SHOC1: variants seen among roughly 807,000 people sequenced by gnomAD.
The protein encoded by SHOC1 is protein shortage in chiasmata 1 ortholog.
Under a neutral mutation model 179.2 loss-of-function variants are expected in SHOC1, and 136 were observed. That is an observed-to-expected ratio of 0.76 (90% confidence interval 0.66 to 0.87). The LOEUF is 0.87. SHOC1 is among the 40% of genes least tolerant of loss of function. SHOC1 has a pLI of 0.00. For missense variants in SHOC1, 1,538 were observed against 1,700.8 expected, an observed-to-expected ratio of 0.90 and a Z score of 1.68; for synonymous variants, 489 against 586.6, an observed-to-expected ratio of 0.83 and a Z score of 2.41.
intron 2 of SHOC1, 61 bp downstream of exon 2, chr9:111,791,313 T>C: frequency 2.2e-6 from 2 of 898,528 alleles, no homozygotes; most frequent in Non-Finnish European, 3.2e-6. Flanking sequence ...ATATTGAATG[T>C]AGTTAACACT....
chr9:111,702,968 G>C (rs1043041052), intron 22 of SHOC1, among the ~76,000 whole-genome samples: 1 of 152,044 alleles, frequency 6.6e-6, no homozygotes, highest in South Asian at 2.1e-4. Context: ...AAGTTAGCTG[G>C]GTGCAGTGGA....
chr9:111,757,983 C>A, intron 7 of SHOC1, 101 bp downstream of exon 7: 1 of 595,448 alleles, frequency 1.7e-6, no homozygotes, highest in East Asian at 3.3e-5. Context: ...ATTATAAAAT[C>A]TTTTTAATTT....
In SHOC1 at chr9:111,748,120, C is replaced by G. The variant is rs757123566; in HGVS notation, c.942G>C (p.Gln314His). The change falls in exon 9 of 28, where the codon CAG (glutamine) becomes CAC (histidine). Residue 314 changes from glutamine to histidine, a missense_variant. Coordinates refer to ENST00000682961, the MANE Select transcript of SHOC1 (RefSeq NM_001378211.1). ...GTTTACTGCACTCTTCTGGTTCACTCTGGCTTTGAATGGTCAAAATCTCTG... is the reference window on the plus strand; with the variant it reads ...GTTTACTGCACTCTTCTGGTTCACTGTGGCTTTGAATGGTCAAAATCTCTG... Reference protein sequence around the residue: ...SSTEILTIQSQSEPEECSKPG... With the variant: ...SSTEILTIQSHSEPEECSKPG... 5 of 1,613,754 alleles carry G rather than the reference C, an allele frequency of 3.1e-6. No homozygotes were observed. In the Admixed American group the frequency reaches 5.0e-5, roughly 16 times the overall value.
At chr9:111,715,152 A>G (rs909748018) in intron 16 of SHOC1, among the ~76,000 whole-genome samples, 1 of 152,202 alleles carries the variant, frequency 6.6e-6, no homozygotes, top group Non-Finnish European at 1.5e-5. Context: ...ACATAGATTC[A>G]TCCTTGAAGG....
At chr9:111,776,560 C>A (rs1459375138) in intron 4 of SHOC1, among the ~76,000 whole-genome samples, 1 of 152,180 alleles carries the variant, frequency 6.6e-6, no homozygotes, top group East Asian at 1.9e-4. Flanking sequence ...ACCTGGGAAG[C>A]TAACCTCTAT....
intron 18 of SHOC1, among the ~76,000 whole-genome samples, chr9:111,708,634 CTG>C (rs1465260691): frequency 1.4e-4 from 22 of 152,280 alleles, no homozygotes; most frequent in African/African-American, 5.3e-4. Context: ...AAATAAGAGA[CTG>C]TATTTCAATG....
chr9:111,758,042 CACT>C (rs769952787), intron 7 of SHOC1, 39 bp downstream of exon 7: 5 of 1,035,426 alleles, frequency 4.8e-6, no homozygotes, highest in South Asian at 3.2e-5. Context: ...AAATGTGCCT[CACT>C]ACTTTTACTA....
At chr9:111,765,406 TG>T (rs1835311111) in intron 5 of SHOC1, among the ~76,000 whole-genome samples, 1 of 152,042 alleles carries the variant, frequency 6.6e-6, no homozygotes, top group South Asian at 2.1e-4. Context: ...GTGACCAGCC[TG>T]GCCAACATGG....
chr9:111,742,692 T>C (rs893328909), intron 10 of SHOC1, among the ~76,000 whole-genome samples: 10 of 152,210 alleles, frequency 6.6e-5, no homozygotes, highest in African/African-American at 2.2e-4. Context: ...ATGCTAATTA[T>C]AAGTATTGCC....
intron 9 of SHOC1, among the ~76,000 whole-genome samples, chr9:111,747,447 T>C (rs1834340680): frequency 6.6e-6 from 1 of 152,194 alleles, no homozygotes; most frequent in Non-Finnish European, 1.5e-5. Context: ...GTCAGCAAGA[T>C]TGCTAATATT....
At chr9:111,747,901 T>G (rs1001341599) in intron 9 of SHOC1, among the ~76,000 whole-genome samples, 191 bp downstream of exon 9, 1 of 152,072 alleles carries the variant, frequency 6.6e-6, no homozygotes, top group African/African-American at 2.4e-5. Flanking sequence ...TCAGTTTTGA[T>G]GCCAGTAGAA....
chr9:111,746,659 C>T (rs774673121), intron 9 of SHOC1, among the ~76,000 whole-genome samples: 1 of 151,718 alleles, frequency 6.6e-6, no homozygotes, highest in Non-Finnish European at 1.5e-5. Context: ...ACAGAGCAAG[C>T]CTTTGTCTCT....
intron 11 of SHOC1, among the ~76,000 whole-genome samples, chr9:111,740,335 G>C (rs1833977556): frequency 6.6e-6 from 1 of 152,136 alleles, no homozygotes; most frequent in African/African-American, 2.4e-5. Flanking sequence ...GTGAAAGCCA[G>C]CTTTGGTGCT....
intron 18 of SHOC1, among the ~76,000 whole-genome samples, chr9:111,710,920 C>T (rs1258953146): frequency 6.6e-6 from 1 of 151,964 alleles, no homozygotes; most frequent in Non-Finnish European, 1.5e-5. Flanking sequence ...GCAAAAGATG[C>T]AGCTTATAGA....
intron 2 of SHOC1, among the ~76,000 whole-genome samples, chr9:111,789,872 C>T (rs1200032413): frequency 6.6e-6 from 1 of 152,180 alleles, no homozygotes; most frequent in Non-Finnish European, 1.5e-5. Flanking sequence ...ATTTGCTTCT[C>T]TCAGTTATGA....
At chr9:111,686,893 A>C (rs970946914) in intron 27 of SHOC1, 23 bp from the exon 28 acceptor site, 2 of 1,473,912 alleles carry the variant, frequency 1.4e-6, no homozygotes, top group African/African-American at 2.8e-5. Context: ...GAAAAAGGAA[A>C]ACCATTTTAT....
intron 6 of SHOC1, 72 bp downstream of exon 6, chr9:111,758,623 T>C (rs1416169681): frequency 7.5e-7 from 1 of 1,338,926 alleles, no homozygotes; most frequent in African/African-American, 1.5e-5. Flanking sequence ...TGATAACATC[T>C]AAGCTTGTGA....
At position 111,691,789 on chromosome 9, in the gene SHOC1, A is replaced by G; in HGVS notation, c.4188T>C (p.Asp1396=). 1 of 1,613,918 alleles carries G rather than the reference A, an allele frequency of 6.2e-7. No individual in the cohort carries two copies. ...LYSQKGNLFT[D]QQKCLSDESE... ...ACTCATCTGATAGACATTTTTGCTGATCAGTGAATAAATTACCTTTCTGAG... is the reference window on the plus strand; with the variant it reads ...ACTCATCTGATAGACATTTTTGCTGGTCAGTGAATAAATTACCTTTCTGAG... The change falls in exon 27 of 28, where the codon GAT becomes GAC. Residue 1396 remains aspartate (D), a synonymous_variant. Coordinates refer to ENST00000682961, the MANE Select transcript of SHOC1 (RefSeq NM_001378211.1).
chr9:111,738,636 A>T, intron 11 of SHOC1, 114 bp from the exon 12 acceptor site: 3 of 969,842 alleles, frequency 3.1e-6, no homozygotes, highest in Non-Finnish European at 4.2e-6. Flanking sequence ...TTTATGCATT[A>T]GAAAATAAGT....
Sources: allele counts gnomAD v4.1 joint callset (sites outside exome capture counted in the v4.1 genomes callset), GRCh38; gene constraint gnomAD v4.1.1; transcripts MANE v1.5; gene names NCBI Gene and HGNC (gene_info 2026-07-23, HGNC 2026-07-21).